The following IL17RC variants were observed in gnomAD, a reference collection of about 807,000 sequenced individuals.
IL17RC encodes interleukin-17 receptor C.
IL17RC carries 53 observed loss-of-function variants against 86.7 expected under a neutral mutation model. That is an observed-to-expected ratio of 0.61 (90% CI 0.49 to 0.77). IL17RC has a LOEUF of 0.77. Among genes scored for constraint, IL17RC ranks in the 30% least tolerant of loss-of-function variants. IL17RC has a pLI of 0.00. For synonymous variants in IL17RC, 439 were observed against 413.1 expected, an observed-to-expected ratio of 1.06 and a Z score of -0.76; for missense variants, 957 against 940.0, an observed-to-expected ratio of 1.02 and a Z score of -0.24.
chr3:9,928,189 C>T lies in IL17RC; in HGVS notation c.846C>T (p.Ser282=), dbSNP rs202200991. The change falls in exon 10 of 19, where the codon TCC becomes TCT. Residue 282 remains serine, a synonymous_variant. Coordinates refer to ENST00000403601, the MANE Select transcript of IL17RC (RefSeq NM_153460.4). ...CIQVWPLEPD[S]VRTNICPFRE... The stretch of plus-strand genomic sequence containing the variant: ...AGGTGTGGCCTCTGGAACCTGACTC[C>T]GTTAGGACGAACATCTGCCCCTTCA... The T allele has an allele frequency of 1.1e-4, 182 of 1,614,106 alleles. No individual in the cohort carries two copies. Among genetic ancestry groups the T allele is most frequent in the Middle Eastern group, 6.6e-4 (4 of 6,062 alleles).
Position 9,923,999 on chromosome 3 carries a change from A to G in IL17RC, c.741A>G (p.Lys247=). ...GGAATCAGGTCCAGGGCCCCCCAAA[A>G]CCCCGGTGGCACAAAAACCTGGTGA... The part of the protein sequence containing the change: ...LYWNQVQGPP[K]PRWHKNLTGP... Residue 247 remains lysine (K), a synonymous_variant, in exon 8 of 19, where the codon AAA becomes AAG. Coordinates refer to ENST00000403601, the MANE Select transcript of IL17RC (RefSeq NM_153460.4). The G allele has an allele frequency of 6.2e-7, 1 of 1,613,538 alleles. No homozygotes were observed. Among genetic ancestry groups the G allele is most frequent in the Non-Finnish European group, 8.5e-7 (1 of 1,179,944 alleles).
rs907588469 is a variant in IL17RC at position 9,932,646 on chromosome 3, C to G, written c.1426C>G (p.Leu476Val). ...CTGGGCCCTCGTGTGGCTGGCCTGCCTACTCTTTGCCGCTGCGCTTTCCCT... is the reference window on the plus strand; with the variant it reads ...CTGGGCCCTCGTGTGGCTGGCCTGCGTACTCTTTGCCGCTGCGCTTTCCCT... Reference protein sequence around the residue: ...KRWALVWLACLLFAAALSLIL... With the variant: ...KRWALVWLACVLFAAALSLIL... Residue 476 changes from leucine to valine, a missense_variant, in exon 17 of 19, where the codon CTA (leucine) becomes GTA (valine). By Grantham distance (32) the Leu-to-Val change is conservative. Transcript: ENST00000403601. The G allele has an allele frequency of 6.2e-6, 10 of 1,614,196 alleles. No homozygotes were observed. Among genetic ancestry groups the G allele is most frequent in the African/African-American group, 1.3e-5 (1 of 75,058 alleles).
intron 16 of IL17RC, 105 bp from the exon 17 acceptor site, chr3:9,932,487 AAGTGCTGGGATTATAT>A: frequency 1.1e-6 from 1 of 906,698 alleles, no homozygotes; most frequent in South Asian, 1.3e-5. Flanking sequence ...CGGCCTCCCG[AAGTGCTGGGATTATAT>A]AAAGGCATGA....
chr3:9,918,223 C>A, intron 3 of IL17RC, 112 bp from the exon 4 acceptor site: 1 of 1,307,262 alleles, frequency 7.6e-7, no homozygotes, highest in South Asian at 1.4e-5. Context: ...CCAGTGTGGT[C>A]TCCCCAGCCC....
intron 7 of IL17RC, among the ~76,000 whole-genome samples, chr3:9,922,210 C>T (rs1019867980): frequency 2.2e-4 from 33 of 152,146 alleles, no homozygotes; most frequent in Non-Finnish European, 3.8e-4. Flanking sequence ...CTCGGCCTCC[C>T]AAAGTGCTGG....
At chr3:9,927,144 C>G (rs1022206738) in intron 9 of IL17RC, among the ~76,000 whole-genome samples, 8 of 152,224 alleles carry the variant, frequency 5.3e-5, no homozygotes, top group African/African-American at 1.9e-4. Flanking sequence ...TAGCATAGAG[C>G]TATGCACATA....
chr3:9,932,932 C>T (rs767012658), intron 18 of IL17RC, 21 bp from the exon 19 acceptor site: 38 of 1,610,358 alleles, frequency 2.4e-5, no homozygotes, highest in Middle Eastern at 1.6e-4. Context: ...CTCTTCCCTC[C>T]CCATCTGTTT....
At chr3:9,932,768 G>A (rs1410225939) in intron 17 of IL17RC, 52 bp from the exon 18 acceptor site, 16 of 1,594,318 alleles carry the variant, frequency 1.0e-5, no homozygotes, top group Non-Finnish European at 1.2e-5. Flanking sequence ...AGTTCTCCGA[G>A]GGAAAGCGGC....
Position 9,920,552 on chromosome 3 carries a change from A to G in IL17RC, c.527A>G (p.Tyr176Cys). ...ALGSEVRIWS[Y>C]TQPRYEKELN... Reference sequence around the variant, plus strand: ...GGGAGTGAGGTACGAATCTGGTCCTATACTCAGCCCAGGTACGAGAAGGAA... The same window carrying G: ...GGGAGTGAGGTACGAATCTGGTCCTGTACTCAGCCCAGGTACGAGAAGGAA... The change falls in exon 6 of 19, where the codon TAT becomes TGT. Residue 176 changes from tyrosine to cysteine, a missense_variant. Physicochemically the swap from Tyr to Cys is radical, Grantham distance 194. Transcript: ENST00000403601. 6.2e-7 allele frequency: 1 copy of G among 1,608,910 alleles called. No homozygotes were observed. The highest frequency in any genetic ancestry group is 8.5e-7 in the Non-Finnish European group (1 of 1,177,194).
In IL17RC at chr3:9,933,032, G is replaced by A; in HGVS notation, c.1602G>A (p.Ala534=). The A allele has an allele frequency of 1.3e-6, 2 of 1,557,242 alleles. No homozygotes were observed. The highest frequency in any genetic ancestry group is 1.7e-6 in the Non-Finnish European group (2 of 1,160,244). ...TCGAGCGCCTGGTGGGCGCCCTGGCGTCGGCCCTGTGCCAGCTGCCGCTGC... is the reference window on the plus strand; with the variant it reads ...TCGAGCGCCTGGTGGGCGCCCTGGCATCGGCCCTGTGCCAGCTGCCGCTGC... The part of the protein sequence containing the change: ...SGFERLVGAL[A]SALCQLPLRV... The change falls in exon 19 of 19, where the codon GCG becomes GCA. Residue 534 remains alanine, a synonymous_variant. Transcript: ENST00000403601.
chr3:9,928,425 C>T lies in IL17RC; in HGVS notation c.998C>T (p.Pro333Leu), dbSNP rs144187085. The T allele has an allele frequency of 3.7e-4, 589 of 1,606,554 alleles. 6 individuals are homozygous for T. In the South Asian group the frequency reaches 5.0e-3, roughly 14 times the overall value. ...GAAGCGGCACTGTGCTGGCGGGCTC[C>T]GGGTGGGGACCCCTGCCAGCCACTG... ...PAEAALCWRAPGGDPCQPLVP... is the reference protein window; with the variant it reads ...PAEAALCWRALGGDPCQPLVP... The change falls in exon 11 of 19, where the codon CCG becomes CTG. Residue 333 changes from proline (P) to leucine (L), a missense_variant. By Grantham distance (98) the Pro-to-Leu change is moderately conservative. Transcript: ENST00000403601.
chr3:9,931,453 T>TCACACACACACACACACA (rs201407577), intron 16 of IL17RC, among the ~76,000 whole-genome samples: 1,006 of 44,456 alleles, frequency 0.023, 19 homozygotes, highest in African/African-American at 0.048. Flanking sequence ...TTTATATATT[T>TCACACACACACACACACA]CACACACACA....
chr3:9,928,786 C>T (rs989401605), intron 12 of IL17RC, among the ~76,000 whole-genome samples, 156 bp downstream of exon 12: 5 of 152,116 alleles, frequency 3.3e-5, no homozygotes, highest in Non-Finnish European at 5.9e-5. Context: ...GGACCCTGGG[C>T]AACTCACTTC....
intron 9 of IL17RC, among the ~76,000 whole-genome samples, chr3:9,925,120 T>G (rs1269529792): frequency 1.3e-5 from 2 of 150,000 alleles, no homozygotes; most frequent in East Asian, 3.9e-4. Flanking sequence ...TGCACTTTTT[T>G]TTTTTTTTTT....
At chr3:9,918,109 C>T in intron 3 of IL17RC, 34 bp downstream of exon 3, 1 of 1,549,662 alleles carries the variant, frequency 6.5e-7, no homozygotes. Flanking sequence ...TGCATGTGTA[C>T]ACGTGAGTGT....
rs757894385 is a variant in IL17RC at position 9,933,452 on chromosome 3, C to T, written c.2022C>T (p.Ser674=). The change falls in exon 19 of 19, where the codon TCC becomes TCT. Residue 674 remains serine (S), a synonymous_variant. Transcript: ENST00000403601. ...GALQQPRAPR[S]GRLQERAEQV... Reference sequence around the variant, plus strand: ...TGCAGCAGCCTCGCGCCCCGCGTTCCGGGCGGCTCCAAGAGAGAGCGGAGC... The same window carrying T: ...TGCAGCAGCCTCGCGCCCCGCGTTCTGGGCGGCTCCAAGAGAGAGCGGAGC... 121 of 1,612,938 alleles carry T rather than the reference C, an allele frequency of 7.5e-5. 1 individual carries two copies. The East Asian group carries it at 2.7e-3, about 36-fold the overall frequency.
At chr3:9,921,400 A>G (rs900720291) in intron 7 of IL17RC, among the ~76,000 whole-genome samples, 20 of 152,124 alleles carry the variant, frequency 1.3e-4, no homozygotes, top group Non-Finnish European at 2.5e-4. Context: ...GGCTACAGTA[A>G]GCTGAGACTG....
At position 9,920,984 on chromosome 3, in the gene IL17RC, C is replaced by G; in HGVS notation, c.622+15C>G. ...GAGCTGCTGGGGTAGGGGCTAGGGC[C>G]AGTGGGCCGGGGGTAGGGAGGGGCA... On this transcript the variant is annotated intron_variant, in intron 7 of 18. Transcript: ENST00000403601. 1 of 1,552,570 alleles carries G rather than the reference C, an allele frequency of 6.4e-7. No homozygotes were observed. The highest frequency in any genetic ancestry group is 8.7e-7 in the Non-Finnish European group (1 of 1,148,088).
At chr3:9,931,293 G>T (rs1366777498) in intron 16 of IL17RC, among the ~76,000 whole-genome samples, 3 of 151,780 alleles carry the variant, frequency 2.0e-5, no homozygotes, top group African/African-American at 4.9e-5. Context: ...CAGGGGGAAG[G>T]TTCCAGCAAA....
Sources: allele counts gnomAD v4.1 joint callset (sites outside exome capture counted in the v4.1 genomes callset), GRCh38; gene constraint gnomAD v4.1.1; transcripts MANE v1.5; gene names NCBI Gene and HGNC (gene_info 2026-07-23, HGNC 2026-07-21).